Variants in TPD52L2 observed in about 807,000 individuals in gnomAD.
The protein encoded by TPD52L2 is tumor protein D54.
In TPD52L2, 19 loss-of-function variants were observed where a neutral mutation model predicts 24.7. The ratio of observed to expected loss-of-function variants is 0.77; its 90% CI spans 0.54 to 1.13. The LOEUF (loss-of-function observed/expected upper bound fraction) is 1.13, where lower values mean the gene tolerates loss of function less well. Ranked by LOEUF, TPD52L2 falls within the 50% of genes most tolerant of loss-of-function variation. TPD52L2 has a pLI of 0.00. For missense variants in TPD52L2, 236 were observed against 250.4 expected (o/e 0.94, Z 0.39); for synonymous variants, 104 against 100.2 (o/e 1.04, Z -0.23).
intron 5 of TPD52L2, chr20:63,888,910 CAG>C (rs1195718621): frequency 7.5e-6 from 4 of 534,344 alleles, no homozygotes; most frequent in Admixed American, 6.2e-5. Flanking sequence ...TAGGGTATGA[CAG>C]AGAGGGGCCG....
chr20:63,873,649 T>C lies in TPD52L2; in HGVS notation c.166-19T>C. ...CCTGCAGTAGTGATGGCTCATCATGTCAACTGCATGCTTTGCAGGTGGAAG... is the reference window on the plus strand; with the variant it reads ...CCTGCAGTAGTGATGGCTCATCATGCCAACTGCATGCTTTGCAGGTGGAAG... On this transcript the variant is annotated intron_variant, in intron 2 of 6. Coordinates refer to ENST00000346249, the MANE Select transcript of TPD52L2 (RefSeq NM_003288.4). The C allele has an allele frequency of 1.2e-6, 2 of 1,610,448 alleles. No homozygotes were observed. Among genetic ancestry groups the C allele is most frequent in the Non-Finnish European group, 1.7e-6 (2 of 1,178,640 alleles).
chr20:63,873,976 C>T (rs2052564612), intron 3 of TPD52L2, among the ~76,000 whole-genome samples, 160 bp downstream of exon 3: 1 of 152,162 alleles, frequency 6.6e-6, no homozygotes, highest in Non-Finnish European at 1.5e-5. Context: ...GAGCCCTTGG[C>T]CCAGCGACTG....
Position 63,877,044 on chromosome 20 carries a change from G to C in TPD52L2, c.374+1169G>C, listed in dbSNP as rs1403205838. On this transcript the variant is annotated intron_variant, in intron 4 of 6. Coordinates refer to ENST00000346249, the MANE Select transcript of TPD52L2 (RefSeq NM_003288.4). The surrounding 1 kb of genome is among the most constrained non-coding windows in gnomAD (Gnocchi z 4.1). ...TTTTTGTTTGTTTGGTTTTTTTTTTGAGACAACGTCTCGTTCTGTCTCCCA... is the reference window on the plus strand; with the variant it reads ...TTTTTGTTTGTTTGGTTTTTTTTTTCAGACAACGTCTCGTTCTGTCTCCCA... The C allele has an allele frequency of 1.4e-5, 6 of 434,846 alleles. No individual in the cohort carries two copies. The Admixed American group carries it at 1.6e-4, about 11-fold the overall frequency. 26.9% of individuals were successfully genotyped at this position (434,846 alleles called of 1,614,324 possible).
intron 1 of TPD52L2, among the ~76,000 whole-genome samples, chr20:63,868,636 C>T (rs968843920): frequency 6.6e-6 from 1 of 152,272 alleles, no homozygotes; most frequent in East Asian, 1.9e-4. Flanking sequence ...ATATTAGGTT[C>T]CTTTTTTTAA....
chr20:63,865,304 TC>T lies in TPD52L2; in HGVS notation c.-59del. On this transcript the variant is annotated 5_prime_UTR_variant, in exon 1 of 7. Coordinates refer to ENST00000346249, the MANE Select transcript of TPD52L2 (RefSeq NM_003288.4). ...GGCTAGTGTGTACGCGGCGAGCTTC[TC>T]CCGGCGCCGCCCGCTCGGCTCCCAT... 6.7e-7 allele frequency: 1 copy of T among 1,493,410 alleles called. No homozygotes were observed. The highest frequency in any genetic ancestry group is 1.3e-5 in the South Asian group (1 of 78,826). The allele number at this position is 1,493,410 out of a possible 1,614,324, so 92.5% of individuals were successfully genotyped here. A position where few individuals can be genotyped will look rare whatever the true frequency, so the allele number is the denominator to read the frequency against.
At chr20:63,882,001 G>A (rs1459202124) in intron 4 of TPD52L2, among the ~76,000 whole-genome samples, 1 of 152,216 alleles carries the variant, frequency 6.6e-6, no homozygotes, top group Non-Finnish European at 1.5e-5. Flanking sequence ...GGTGGACACT[G>A]GAGGGAGCTG....
At chr20:63,875,566 C>T (rs748565863) in intron 3 of TPD52L2, among the ~76,000 whole-genome samples, 2 of 152,218 alleles carry the variant, frequency 1.3e-5, no homozygotes, top group Non-Finnish European at 2.9e-5. Context: ...AATCTCCTAG[C>T]GAGAGACCAG....
In TPD52L2 at chr20:63,882,828, G is replaced by T; in HGVS notation, c.476+8G>T. 6.2e-7 allele frequency: 1 copy of T among 1,604,130 alleles called. No individual in the cohort carries two copies. The highest frequency in any genetic ancestry group is 8.5e-7 in the Non-Finnish European group (1 of 1,173,970). On this transcript the variant is annotated splice_region_variant and intron_variant, in intron 5 of 6. Coordinates refer to ENST00000346249, the MANE Select transcript of TPD52L2 (RefSeq NM_003288.4). ...GAAGCTTGGAGACATGAGGTGAGAC[G>T]CAACCCTGACTCTGCTGCCCTGAGA...
At chr20:63,879,752 A>C (rs1157333250) in intron 4 of TPD52L2, among the ~76,000 whole-genome samples, 1 of 131,866 alleles carries the variant, frequency 7.6e-6, no homozygotes, top group Non-Finnish European at 1.6e-5. Flanking sequence ...GCACAAATGC[A>C]GGTGCAGCTT....
intron 2 of TPD52L2, among the ~76,000 whole-genome samples, chr20:63,870,947 A>G (rs2052440774): frequency 6.7e-6 from 1 of 149,910 alleles, no homozygotes; most frequent in African/African-American, 2.5e-5. Flanking sequence ...CAAACTCCTG[A>G]TCTTGTGATC....
chr20:63,887,339 C>A (rs1349828460), intron 5 of TPD52L2: 3 of 660,922 alleles, frequency 4.5e-6, no homozygotes, highest in Non-Finnish European at 8.2e-6. Flanking sequence ...TCTCCCCCCT[C>A]CCAGTGCTAT....
In TPD52L2 at chr20:63,869,365, G is replaced by A; in HGVS notation, c.89G>A (p.Gly30Asp). The change falls in exon 2 of 7, where the codon GGT (glycine) becomes GAT (aspartate). Residue 30 changes from glycine (G) to aspartate (D), a missense_variant. Transcript: ENST00000346249. ...DSMTDVPVDTGVAARTPAVEG... is the reference protein window; with the variant it reads ...DSMTDVPVDTDVAARTPAVEG... ...ATGACGGATGTTCCTGTCGACACAGGTGTGGCTGCCCGGACTCCTGCTGTT... is the reference window on the plus strand; with the variant it reads ...ATGACGGATGTTCCTGTCGACACAGATGTGGCTGCCCGGACTCCTGCTGTT... The A allele has an allele frequency of 6.2e-7, 1 of 1,614,242 alleles. No individual in the cohort carries two copies. The highest frequency in any genetic ancestry group is 8.5e-7 in the Non-Finnish European group (1 of 1,180,052).
chr20:63,887,754 G>T (rs2053187431), intron 5 of TPD52L2: 2 of 783,948 alleles, frequency 2.6e-6, no homozygotes, highest in African/African-American at 3.4e-5. Flanking sequence ...CTAAGGGCCG[G>T]TAAAAACCCC....
At chr20:63,889,095 T>C in intron 5 of TPD52L2, 95 bp from the exon 6 acceptor site, 2 of 1,068,278 alleles carry the variant, frequency 1.9e-6, no homozygotes, top group Non-Finnish European at 2.9e-6. Context: ...TAGGGACCCT[T>C]TGGAGGCTGG....
Position 63,887,580 on chromosome 20 carries a change from C to T in TPD52L2, c.477-1610C>T. ...TCCAAGCAGCAGCTACTCCATCCGCCACTCAATAAGTATGCCAGCCATGAG... is the reference window on the plus strand; with the variant it reads ...TCCAAGCAGCAGCTACTCCATCCGCTACTCAATAAGTATGCCAGCCATGAG... On this transcript the variant is annotated intron_variant, in intron 5 of 6. Transcript: ENST00000346249. The T allele has an allele frequency of 3.1e-6, 5 of 1,613,638 alleles. No individual in the cohort carries two copies. In the South Asian group the frequency reaches 5.5e-5, roughly 18 times the overall value.
chr20:63,887,637 G>A (rs1433764460), intron 5 of TPD52L2: 1 of 1,609,518 alleles, frequency 6.2e-7, no homozygotes, highest in Non-Finnish European at 8.5e-7. Context: ...CGGCTCCAGA[G>A]CCGGGTGTCT....
Position 63,875,783 on chromosome 20 carries a change from CTAAATAATTCACTG to C in TPD52L2, c.315-30_315-17del. On this transcript the variant is annotated intron_variant, in intron 3 of 6. Coordinates refer to ENST00000346249, the MANE Select transcript of TPD52L2 (RefSeq NM_003288.4). ...TGATGCCTGAGTTAAAATTGTTCTT[CTAAATAATTCACTG>C]TAGACTTTCTGTTTTTAGCTATGTG... 1 of 1,609,896 alleles carries C rather than the reference CTAAATAATTCACTG, an allele frequency of 6.2e-7. No individual in the cohort carries two copies. Among genetic ancestry groups the C allele is most frequent in the Non-Finnish European group, 8.5e-7 (1 of 1,176,688 alleles).
At chr20:63,884,829 G>A (rs1467172349) in intron 5 of TPD52L2, among the ~76,000 whole-genome samples, 1 of 152,136 alleles carries the variant, frequency 6.6e-6, no homozygotes, top group Non-Finnish European at 1.5e-5. Context: ...GACCTGGGAC[G>A]AGCCAGCTCG....
rs1468829200 is a variant in TPD52L2, at chr20:63,865,372, T to C, written c.7T>C (p.Ser3Pro). 15 of 1,529,578 alleles carry C rather than the reference T, an allele frequency of 9.8e-6. No individual in the cohort carries two copies. Among genetic ancestry groups the C allele is most frequent in the African/African-American group, 1.4e-5 (1 of 71,892 alleles). 94.8% of individuals were successfully genotyped at this position (1,529,578 alleles called of 1,614,324 possible). ...GTCCGGACGCCGCCCGAACATGGAC[T>C]CCGCCGGCCAAGGTACCTGCCGGGC... is the stretch of plus-strand genomic sequence containing the variant. MD[S>P]AGQDINLNSP... The change falls in exon 1 of 7, where the codon TCC becomes CCC. Residue 3 changes from serine (S) to proline (P), a missense_variant. Ser to Pro is a moderately conservative substitution (Grantham distance 74). Transcript: ENST00000346249.
Sources: allele counts gnomAD v4.1 joint callset (sites outside exome capture counted in the v4.1 genomes callset), GRCh38; gene constraint gnomAD v4.1.1; non-coding constraint Gnocchi (gnomAD v3.1); transcripts MANE v1.5; gene names NCBI Gene and HGNC (gene_info 2026-07-23, HGNC 2026-07-21).